The following PTBP2 variants were observed in gnomAD, a reference collection of about 807,000 sequenced individuals.
PTBP2 encodes polypyrimidine tract-binding protein 2.
A neutral mutation model predicts 61.4 loss-of-function variants in PTBP2; 13 were observed. The observed-to-expected ratio is 0.21, with a 90% confidence interval of 0.14 to 0.34. The LOEUF (loss-of-function observed/expected upper bound fraction) is 0.34, where lower values mean the gene tolerates loss of function less well. PTBP2 is among the 10% of genes least tolerant of loss of function. The pLI is 1.00. For missense variants in PTBP2, 405 were observed against 642.6 expected, an observed-to-expected ratio of 0.63 and a Z score of 4.00; for synonymous variants, 215 against 218.5, an observed-to-expected ratio of 0.98 and a Z score of 0.14.
At chr1:96,733,669 A>G (rs1557687991) in intron 2 of PTBP2, among the ~76,000 whole-genome samples, 4 of 151,946 alleles carry the variant, frequency 2.6e-5, no homozygotes, top group African/African-American at 9.7e-5. Context: ...TCCAGTCTCA[A>G]AAAAAAAGGA....
At chr1:96,781,815 CAATCTT>C (rs949626390) in intron 7 of PTBP2, among the ~76,000 whole-genome samples, 4 of 151,926 alleles carry the variant, frequency 2.6e-5, no homozygotes, top group Admixed American at 2.6e-4. Flanking sequence ...GTCATAGTAA[CAATCTT>C]AATTATCAAT....
chr1:96,753,046 A>C (rs1373772937), intron 3 of PTBP2, among the ~76,000 whole-genome samples: 1 of 152,178 alleles, frequency 6.6e-6, no homozygotes, highest in Admixed American at 6.5e-5. Context: ...TTTATGGAGA[A>C]GTCCTGGAGA....
chr1:96,758,925 T>C (rs572339355), intron 3 of PTBP2, among the ~76,000 whole-genome samples: 76 of 152,276 alleles, frequency 5.0e-4, no homozygotes, highest in African/African-American at 1.8e-3. Context: ...ACAACAGATT[T>C]GGTAGAACTA....
At chr1:96,802,959 C>G (rs1661168348) in intron 8 of PTBP2, among the ~76,000 whole-genome samples, 1 of 152,022 alleles carries the variant, frequency 6.6e-6, no homozygotes, top group Non-Finnish European at 1.5e-5. Flanking sequence ...GGTCACTTCT[C>G]AAGACTGCAA....
At chr1:96,725,258 G>T (rs888745899) in intron 2 of PTBP2, among the ~76,000 whole-genome samples, 1 of 151,474 alleles carries the variant, frequency 6.6e-6, no homozygotes, top group Non-Finnish European at 1.5e-5. Context: ...AAACTGAGGA[G>T]ACTTGGAATA....
At chr1:96,755,506 A>G (rs772330895) in intron 3 of PTBP2, among the ~76,000 whole-genome samples, 1 of 152,214 alleles carries the variant, frequency 6.6e-6, no homozygotes, top group African/African-American at 2.4e-5. Flanking sequence ...GAAGGCATCT[A>G]TTCATTAAAA....
At chr1:96,722,167 C>T (rs975163195) in intron 1 of PTBP2, among the ~76,000 whole-genome samples, 2 of 151,906 alleles carry the variant, frequency 1.3e-5, no homozygotes, top group African/African-American at 4.8e-5. Flanking sequence ...GGTGGGAACC[C>T]CATAACGTCT....
chr1:96,768,499 T>C (rs1034670903), intron 3 of PTBP2, among the ~76,000 whole-genome samples: 2 of 152,050 alleles, frequency 1.3e-5, no homozygotes, highest in Admixed American at 6.6e-5. Context: ...TTTCTGAATG[T>C]GTCAAGATCC....
intron 2 of PTBP2, among the ~76,000 whole-genome samples, chr1:96,730,458 G>T (rs1260125915): frequency 6.6e-6 from 1 of 152,114 alleles, no homozygotes; most frequent in African/African-American, 2.4e-5. Context: ...TTATTGGAAA[G>T]TATGTTATTT....
chr1:96,802,701 G>GT (rs1260606693), intron 8 of PTBP2, among the ~76,000 whole-genome samples: 2 of 152,058 alleles, frequency 1.3e-5, no homozygotes, highest in African/African-American at 4.8e-5. Context: ...GAAGTTGGTG[G>GT]TTTTTTGTTT....
At chr1:96,755,918 T>C (rs181037944) in intron 3 of PTBP2, among the ~76,000 whole-genome samples, 11 of 152,320 alleles carry the variant, frequency 7.2e-5, no homozygotes, top group African/African-American at 2.2e-4. Context: ...TTTATGGATG[T>C]ATGCATATGT....
chr1:96,774,389 C>G (rs1356505890), intron 5 of PTBP2, among the ~76,000 whole-genome samples: 1 of 152,116 alleles, frequency 6.6e-6, no homozygotes. Context: ...TGGTTCCATT[C>G]ATTTTCTGTG....
intron 8 of PTBP2, among the ~76,000 whole-genome samples, chr1:96,793,461 C>T (rs1406163404): frequency 2.0e-5 from 3 of 152,144 alleles, no homozygotes; most frequent in Non-Finnish European, 4.4e-5. Flanking sequence ...GCTCCGCCTC[C>T]TGGGTTCACG....
rs1349006570 is a variant in PTBP2, at chr1:96,814,375, G to T, written c.*970G>T. 2.0e-5 allele frequency: 3 copies of T among 152,550 alleles called. No homozygotes were observed. The highest frequency in any genetic ancestry group is 4.4e-5 in the Non-Finnish European group (3 of 67,976). 9.4% of individuals were successfully genotyped at this position (152,550 alleles called of 1,614,324 possible). A position where few individuals can be genotyped will look rare whatever the true frequency, so the allele number is the denominator to read the frequency against. ...TGTATTTTTCAAAGATAAAGAAAGT[G>T]TACTGCGAAAATATGCAGGAAGATT... On this transcript the variant is annotated 3_prime_UTR_variant, in exon 14 of 14. Transcript: ENST00000674951.
chr1:96,762,258 C>T (rs1378918837), intron 3 of PTBP2, among the ~76,000 whole-genome samples: 14 of 150,786 alleles, frequency 9.3e-5, no homozygotes, highest in South Asian at 6.3e-4. Flanking sequence ...ACCTCCCAGA[C>T]GGGGTGGTGG....
Position 96,737,187 on chromosome 1 carries a change from C to T in PTBP2, c.39+13593C>T, listed in dbSNP as rs188003323. 9.9e-5 allele frequency among the ~76,000 whole-genome samples: 15 copies of T among 152,000 alleles called. No homozygotes were observed. In the East Asian group the frequency reaches 2.3e-3, roughly 24 times the overall value. ...GTAGAGATGGGTTTTACCATGGTCT[C>T]GATCTCCTGACCTCCTGATCTGCCC... is the stretch of plus-strand genomic sequence containing the variant. On this transcript the variant is annotated intron_variant, in intron 2 of 13. Coordinates refer to ENST00000674951, the MANE Select transcript of PTBP2 (RefSeq NM_021190.4).
chr1:96,778,127 A>G (rs184433456), intron 7 of PTBP2, among the ~76,000 whole-genome samples, 181 bp downstream of exon 7: 14 of 150,942 alleles, frequency 9.3e-5, no homozygotes, highest in Non-Finnish European at 1.5e-5. Context: ...TAGGAAAATC[A>G]TAGTTGTAGT....
At chr1:96,760,841 A>G (rs561257903) in intron 3 of PTBP2, among the ~76,000 whole-genome samples, 1 of 152,330 alleles carries the variant, frequency 6.6e-6, no homozygotes, top group Admixed American at 6.5e-5. Context: ...TGTTTGCTGT[A>G]AAACTTGTAT....
chr1:96,721,917 G>T (rs776536700), intron 1 of PTBP2, 45 bp downstream of exon 1: 51 of 1,564,390 alleles, frequency 3.3e-5, no homozygotes, highest in Non-Finnish European at 4.4e-5. Flanking sequence ...GAGAGGAGTT[G>T]GACCGTCCTT....
Sources: gnomAD v4.1 joint callset for allele counts (sites outside exome capture counted in the v4.1 genomes callset) on GRCh38, gnomAD v4.1.1 for gene constraint, MANE v1.5 for transcripts, NCBI Gene and HGNC (gene_info 2026-07-23, HGNC 2026-07-21) for gene names.